GRM4: variants seen among roughly 807,000 people sequenced by gnomAD.
The protein encoded by GRM4 is metabotropic glutamate receptor 4.
Under a neutral mutation model 81.7 loss-of-function variants are expected in GRM4, and 28 were observed. The ratio of observed to expected loss-of-function variants is 0.34; its 90% confidence interval spans 0.25 to 0.47. The LOEUF is 0.47. Among genes scored for constraint, GRM4 ranks in the 20% least tolerant of loss-of-function variants. GRM4 has a pLI of 1.00. For missense variants in GRM4, 948 were observed against 1,290.0 expected, an observed-to-expected ratio of 0.73 and a Z score of 4.06; for synonymous variants, 488 against 528.8, an observed-to-expected ratio of 0.92 and a Z score of 1.06.
chr6:34,029,797 C>G (rs1764323683), intron 9 of GRM4, among the ~76,000 whole-genome samples: 1 of 152,204 alleles, frequency 6.6e-6, no homozygotes, highest in Non-Finnish European at 1.5e-5. Context: ...GGGGGCATGA[C>G]CGGACAGCCA....
rs142845039 is a variant in GRM4, at chr6:34,035,259, A to G, written c.2442+409T>C. Among the ~76,000 whole-genome samples, 681 of 145,688 alleles carry G rather than the reference A, an allele frequency of 4.7e-3. 2 individuals carry two copies. Among genetic ancestry groups the G allele is most frequent in the Non-Finnish European group, 7.8e-3 (519 of 66,660 alleles). Reference sequence around the variant, plus strand: ...GAGAGAATAGGAGGAGGAAAGAATGAAAGGAGATGGGGTAAGGGCAGCAGG... The same window carrying G: ...GAGAGAATAGGAGGAGGAAAGAATGGAAGGAGATGGGGTAAGGGCAGCAGG... On this transcript the variant is annotated intron_variant, in intron 9 of 10. Coordinates refer to ENST00000538487, the MANE Select transcript of GRM4 (RefSeq NM_000841.4). This position sits in a 1 kb window ranked among gnomAD's most constrained non-coding sequence, Gnocchi z 6.6.
chr6:34,145,954 G>T, intron 1 of GRM4, 46 bp downstream of exon 1: 1 of 978,020 alleles, frequency 1.0e-6, no homozygotes. Context: ...CCCTCTTCCG[G>T]AAGCCCCCCC....
In GRM4 at chr6:34,056,424, A is replaced by ACGTCCTGCCACGGC. The variant is rs1166009003; in HGVS notation, c.1168+106_1168+119dup. ...CCACCCCAGGTGCAGGCCCAACTGC[A>ACGTCCTGCCACGGC]CGTCCTGCCACGGCCGGCCGACGAC... On this transcript the variant is annotated intron_variant, in intron 6 of 10. Coordinates refer to ENST00000538487, the MANE Select transcript of GRM4 (RefSeq NM_000841.4). The ACGTCCTGCCACGGC allele has an allele frequency of 2.2e-5, 19 of 876,132 alleles. No individual in the cohort carries two copies. The African/African-American group carries it at 3.2e-4, about 15-fold the overall frequency. The allele number at this position is 876,132 out of a possible 1,614,324, so 54.3% of individuals were successfully genotyped here.
intron 2 of GRM4, among the ~76,000 whole-genome samples, chr6:34,127,205 C>T (rs1770056645): frequency 3.9e-5 from 6 of 152,150 alleles, no homozygotes; most frequent in Admixed American, 3.9e-4. Flanking sequence ...TGATGAGCGC[C>T]ATCAAGGAAA....
chr6:34,039,657 C>T (rs542311677), intron 8 of GRM4, among the ~76,000 whole-genome samples: 2 of 152,302 alleles, frequency 1.3e-5, no homozygotes, highest in Admixed American at 6.5e-5. Context: ...AAAATGGCTG[C>T]CTTCTATCGT....
In GRM4 at chr6:34,069,501, G is replaced by A. The variant is rs1403177980; in HGVS notation, c.737-7473C>T. ...CACGAGGGCTGGGCTGGCTCCAGCT[G>A]GATCTGGGACTGCACAGAGGGCCAG... On this transcript the variant is annotated intron_variant, in intron 3 of 10. Coordinates refer to ENST00000538487, the MANE Select transcript of GRM4 (RefSeq NM_000841.4). This position sits in a 1 kb window ranked among gnomAD's most constrained non-coding sequence, Gnocchi z 6.4. Among the ~76,000 whole-genome samples the A allele has an allele frequency of 6.6e-6, 1 of 152,134 alleles. No individual in the cohort carries two copies.
At chr6:34,126,156 GA>G (rs1770013037) in intron 2 of GRM4, among the ~76,000 whole-genome samples, 1 of 152,168 alleles carries the variant, frequency 6.6e-6, no homozygotes, top group Non-Finnish European at 1.5e-5. Flanking sequence ...GCAGAGTGGT[GA>G]AAAAAGGTAG....
chr6:34,022,736 G>T lies in GRM4; in HGVS notation c.*85C>A. 8.1e-7 allele frequency: 1 copy of T among 1,232,460 alleles called. No individual in the cohort carries two copies. The highest frequency in any genetic ancestry group is 1.2e-5 in the South Asian group (1 of 82,888). 76.3% of individuals were successfully genotyped at this position (1,232,460 alleles called of 1,614,324 possible). A position where few individuals can be genotyped will look rare whatever the true frequency, so the allele number is the denominator to read the frequency against. ...TGGGTGCCCACGGGCAGGCAAGACAGCTGGGCCCTTGGGTGTGGCCCTGGC... is the reference window on the plus strand; with the variant it reads ...TGGGTGCCCACGGGCAGGCAAGACATCTGGGCCCTTGGGTGTGGCCCTGGC... On this transcript the variant is annotated 3_prime_UTR_variant, in exon 11 of 11. Transcript: ENST00000538487. The surrounding 1 kb of genome is among the most constrained non-coding windows in gnomAD (Gnocchi z 5.6).
At chr6:34,062,127 C>T (rs930637853) in intron 3 of GRM4, 99 bp from the exon 4 acceptor site, 2 of 1,287,040 alleles carry the variant, frequency 1.6e-6, no homozygotes, top group African/African-American at 1.5e-5. Context: ...CTGGGTGCTG[C>T]CCAGGCTCCC....
At chr6:34,049,440 G>A (rs1187078953) in intron 6 of GRM4, among the ~76,000 whole-genome samples, 1 of 151,898 alleles carries the variant, frequency 6.6e-6, no homozygotes, top group African/African-American at 2.4e-5. Flanking sequence ...CCAGCATCCA[G>A]GGCTCACTGG....
At chr6:34,097,353 T>G (rs1768580361) in intron 2 of GRM4, among the ~76,000 whole-genome samples, 1 of 151,994 alleles carries the variant, frequency 6.6e-6, no homozygotes, top group Non-Finnish European at 1.5e-5. Flanking sequence ...TGTGTGTGTG[T>G]GTGAACATGT....
intron 2 of GRM4, among the ~76,000 whole-genome samples, chr6:34,122,133 C>A (rs1769835659): frequency 6.6e-6 from 1 of 152,210 alleles, no homozygotes; most frequent in Non-Finnish European, 1.5e-5. Flanking sequence ...CTGCCTCCAG[C>A]CCTTAACCAC....
chr6:34,154,441 G>A (rs1183323126), intron 1 of GRM4, among the ~76,000 whole-genome samples: 2 of 152,196 alleles, frequency 1.3e-5, no homozygotes, highest in African/African-American at 2.4e-5. Flanking sequence ...CCGCTCACTG[G>A]TCTGCCTTCC....
intron 2 of GRM4, among the ~76,000 whole-genome samples, chr6:34,117,422 C>T (rs1561822845): frequency 1.3e-5 from 2 of 152,244 alleles, no homozygotes; most frequent in African/African-American, 4.8e-5. Context: ...CCAGGCCCCC[C>T]TGCCACAAAC....
chr6:34,089,686 C>A lies in GRM4; in HGVS notation c.736+2197G>T, dbSNP rs1264879982. ...ATTTTATTTTTCTAGATCATGAAGT[C>A]CTTTTAAAAAATCTTGAGTAGACTT... On this transcript the variant is annotated intron_variant, in intron 3 of 10. Coordinates refer to ENST00000538487, the MANE Select transcript of GRM4 (RefSeq NM_000841.4). This position sits in a 1 kb window ranked among gnomAD's most constrained non-coding sequence, Gnocchi z 4.3. 6.6e-6 allele frequency among the ~76,000 whole-genome samples: 1 copy of A among 152,110 alleles called. No individual in the cohort carries two copies. Among genetic ancestry groups the A allele is most frequent in the African/African-American group, 2.4e-5 (1 of 41,406 alleles).
Position 34,059,347 on chromosome 6 carries a change from C to A in GRM4, c.873-219G>T. ...GCTACCGCCTCATCCAACCTGCCTG[C>A]CCCTGGGCCCACGCCTGCTGCAGGC... On this transcript the variant is annotated intron_variant, in intron 4 of 10. Transcript: ENST00000538487. The surrounding 1 kb of genome is among the most constrained non-coding windows in gnomAD (Gnocchi z 5.7). 1.7e-6 allele frequency: 1 copy of A among 580,342 alleles called. No individual in the cohort carries two copies. 35.9% of individuals were successfully genotyped at this position (580,342 alleles called of 1,614,324 possible).
At chr6:34,076,921 G>A (rs1166188358) in intron 3 of GRM4, among the ~76,000 whole-genome samples, 1 of 152,124 alleles carries the variant, frequency 6.6e-6, no homozygotes, top group Non-Finnish European at 1.5e-5. Flanking sequence ...GGAGGGAAAG[G>A]GGATTCCAGG....
chr6:34,120,159 C>T (rs1336481603), intron 2 of GRM4, among the ~76,000 whole-genome samples: 2 of 152,184 alleles, frequency 1.3e-5, no homozygotes, highest in East Asian at 1.9e-4. Context: ...GCCTGGGGAA[C>T]CCAGTCTCCT....
At chr6:34,099,979 C>G (rs2127492969) in intron 2 of GRM4, 2 of 857,266 alleles carry the variant, frequency 2.3e-6, no homozygotes, top group East Asian at 1.2e-4. Flanking sequence ...CGAATCAGCC[C>G]TGCCTAGGCA....
Sources: allele counts gnomAD v4.1 joint callset (sites outside exome capture counted in the v4.1 genomes callset), GRCh38; gene constraint gnomAD v4.1.1; non-coding constraint Gnocchi (gnomAD v3.1); transcripts MANE v1.5; gene names NCBI Gene and HGNC (gene_info 2026-07-23, HGNC 2026-07-21).